HIVEP3: variants seen among roughly 807,000 people sequenced by gnomAD.
The protein encoded by HIVEP3 is HIVEP zinc finger 3.
In HIVEP3, 49 loss-of-function variants were observed where a neutral mutation model predicts 152.8. That is an observed-to-expected ratio of 0.32 (90% confidence interval 0.26 to 0.41). HIVEP3 has a LOEUF of 0.41. Among genes scored for constraint, HIVEP3 ranks in the 10% least tolerant of loss-of-function variants. The probability of loss-of-function intolerance (pLI) is 1.00; values close to 1 mark genes in which losing one functional copy is unlikely to be tolerated. For synonymous variants in HIVEP3, 1,269 were observed against 1,289.0 expected, an observed-to-expected ratio of 0.98 and a Z score of 0.33; for missense variants, 2,790 against 3,103.3, an observed-to-expected ratio of 0.90 and a Z score of 2.40.
chr1:42,024,756 A>C (rs1028862129), intron 1 of HIVEP3, among the ~76,000 whole-genome samples: 2 of 152,314 alleles, frequency 1.3e-5, no homozygotes, highest in East Asian at 1.9e-4. Flanking sequence ...TGCATAAAGT[A>C]CATCAATTAA....
At chr1:41,629,027 C>T (rs754605125) in intron 2 of HIVEP3, 80 bp from the exon 3 acceptor site, 1 of 1,079,582 alleles carries the variant, frequency 9.3e-7, no homozygotes. Flanking sequence ...CCTGCCTGGT[C>T]CCTGGAGGAC....
intron 1 of HIVEP3, among the ~76,000 whole-genome samples, chr1:41,938,153 C>T (rs1048477482): frequency 3.9e-5 from 6 of 152,182 alleles, no homozygotes; most frequent in African/African-American, 1.4e-4. Flanking sequence ...GCCATCTCCT[C>T]AGAGCTGAGT....
intron 1 of HIVEP3, among the ~76,000 whole-genome samples, chr1:41,801,930 G>T (rs1650332600): frequency 6.6e-6 from 1 of 152,158 alleles, no homozygotes; most frequent in Non-Finnish European, 1.5e-5. Flanking sequence ...GGTATGTCAA[G>T]GAGTGGGGGG....
intron 2 of HIVEP3, among the ~76,000 whole-genome samples, chr1:41,694,998 A>C (rs1435950190): frequency 6.6e-6 from 1 of 152,194 alleles, no homozygotes; most frequent in Non-Finnish European, 1.5e-5. Flanking sequence ...GGGGAATGCT[A>C]TACAGAGTCA....
chr1:41,550,704 G>A (rs1643885662), intron 5 of HIVEP3, among the ~76,000 whole-genome samples: 1 of 152,186 alleles, frequency 6.6e-6, no homozygotes, highest in South Asian at 2.1e-4. Flanking sequence ...AGGAATGCTT[G>A]TGATTTTTGC....
chr1:41,983,516 T>G (rs191352212), intron 1 of HIVEP3, among the ~76,000 whole-genome samples: 1 of 152,118 alleles, frequency 6.6e-6, no homozygotes, highest in East Asian at 1.9e-4. Flanking sequence ...AGAAAAGGTA[T>G]GGAGGAACAA....
At chr1:41,746,548 T>C (rs1019741673) in intron 1 of HIVEP3, among the ~76,000 whole-genome samples, 6 of 152,194 alleles carry the variant, frequency 3.9e-5, no homozygotes, top group African/African-American at 7.2e-5. Context: ...CCAGGGAAGC[T>C]ATGCATGGGG....
At chr1:41,955,372 A>G (rs1454356498) in intron 1 of HIVEP3, among the ~76,000 whole-genome samples, 1 of 152,164 alleles carries the variant, frequency 6.6e-6, no homozygotes, top group Non-Finnish European at 1.5e-5. Context: ...ACAAGTGAAG[A>G]CTGGAATTCT....
At chr1:42,019,900 T>C (rs549104004) in intron 1 of HIVEP3, among the ~76,000 whole-genome samples, 1 of 152,226 alleles carries the variant, frequency 6.6e-6, no homozygotes. Context: ...TTAGGCTTTT[T>C]AAAAATCATA....
chr1:41,876,928 C>T (rs1644179642), intron 1 of HIVEP3, among the ~76,000 whole-genome samples: 1 of 152,184 alleles, frequency 6.6e-6, no homozygotes, highest in South Asian at 2.1e-4. Flanking sequence ...GCACGTTCTA[C>T]AGACGTGGGT....
intron 1 of HIVEP3, among the ~76,000 whole-genome samples, chr1:41,769,636 G>A (rs927254436): frequency 1.3e-5 from 2 of 152,124 alleles, no homozygotes; most frequent in African/African-American, 4.8e-5. Flanking sequence ...GAAGTAAAAA[G>A]GATAAAACCT....
At chr1:42,002,320 G>A (rs1645432783) in intron 1 of HIVEP3, among the ~76,000 whole-genome samples, 1 of 152,112 alleles carries the variant, frequency 6.6e-6, no homozygotes, top group Admixed American at 6.5e-5. Context: ...AAGGGAACGG[G>A]CAGGACCTTC....
chr1:41,989,344 T>C (rs1378666754), intron 1 of HIVEP3, among the ~76,000 whole-genome samples: 2 of 152,202 alleles, frequency 1.3e-5, no homozygotes, highest in Non-Finnish European at 2.9e-5. Flanking sequence ...ATCATAAATA[T>C]GTACAATTTG....
intron 1 of HIVEP3, among the ~76,000 whole-genome samples, chr1:41,952,058 C>A (rs554180576): frequency 6.6e-6 from 1 of 152,328 alleles, no homozygotes; most frequent in South Asian, 2.1e-4. Context: ...CTTTCAACTG[C>A]ATTTCACTTG....
At chr1:41,903,899 T>C (rs955432660) in intron 1 of HIVEP3, among the ~76,000 whole-genome samples, 4 of 148,136 alleles carry the variant, frequency 2.7e-5, no homozygotes, top group African/African-American at 1.0e-4. Context: ...TTTTCCTTTT[T>C]TTTTCTTTTT....
chr1:41,897,938 GGAGA>G (rs71065103), intron 1 of HIVEP3, among the ~76,000 whole-genome samples: 3,727 of 129,246 alleles, frequency 0.029, 118 homozygotes, highest in African/African-American at 0.073. Context: ...TGAGAGAGAG[GGAGA>G]GAGAGAGAGA....
intron 2 of HIVEP3, among the ~76,000 whole-genome samples, chr1:41,645,212 T>C (rs531132884): frequency 1.3e-5 from 2 of 152,326 alleles, no homozygotes; most frequent in East Asian, 3.9e-4. Flanking sequence ...GACAGGGCAA[T>C]GCCTTGTTCC....
At chr1:41,618,082 C>T (rs779208709) in intron 3 of HIVEP3, among the ~76,000 whole-genome samples, 2 of 152,160 alleles carry the variant, frequency 1.3e-5, no homozygotes, top group Non-Finnish European at 2.9e-5. Flanking sequence ...TGCTAAGCAG[C>T]CAAGAGAGGA....
intron 1 of HIVEP3, among the ~76,000 whole-genome samples, chr1:41,980,465 T>C (rs1043913704): frequency 2.0e-5 from 3 of 152,178 alleles, no homozygotes; most frequent in Admixed American, 6.5e-5. Flanking sequence ...GACTACCTAT[T>C]ATATGACTCT....
Sources: allele counts gnomAD v4.1 joint callset (sites outside exome capture counted in the v4.1 genomes callset), GRCh38; gene constraint gnomAD v4.1.1; transcripts MANE v1.5; gene names NCBI Gene and HGNC (gene_info 2026-07-23, HGNC 2026-07-21).